ATP2B3: variants seen among roughly 807,000 people sequenced by gnomAD.
The protein encoded by ATP2B3 is plasma membrane calcium-transporting ATPase 3.
A neutral mutation model predicts 70.8 loss-of-function variants in ATP2B3; 12 were observed. That is an observed-to-expected ratio of 0.17 (90% CI 0.11 to 0.27). The LOEUF is 0.27. ATP2B3 is among the 10% of genes least tolerant of loss of function. The probability of loss-of-function intolerance (pLI) is 1.00; values close to 1 mark genes in which losing one functional copy is unlikely to be tolerated. For synonymous variants in ATP2B3, 460 were observed against 497.8 expected (o/e 0.92, Z 1.01); for missense variants, 858 against 1,118.5 (o/e 0.77, Z 3.32).
intron 21 of ATP2B3, 116 bp downstream of exon 21, chrX:153,565,219 G>A (rs1366386775): frequency 4.6e-5 from 43 of 938,059 alleles, no homozygotes; most frequent in Non-Finnish European, 5.7e-5. Context: ...GAAACCCTTT[G>A]GTCTTGCTGC....
chrX:153,534,188 C>T (rs1557002946), intron 2 of ATP2B3, among the ~76,000 whole-genome samples: 1 of 110,521 alleles, frequency 9.0e-6, no homozygotes, highest in Non-Finnish European at 1.9e-5. Flanking sequence ...AGCAAAGGTC[C>T]TGGGGTGGGG....
At chrX:153,572,223 C>A (rs2090799234) in intron 21 of ATP2B3, among the ~76,000 whole-genome samples, 1 of 112,691 alleles carries the variant, frequency 8.9e-6, no homozygotes, top group Admixed American at 9.3e-5. Context: ...GACGGAGCTC[C>A]CCTAGACAAG....
chrX:153,520,409 C>A (rs1032981947), intron 2 of ATP2B3, among the ~76,000 whole-genome samples: 1 of 112,528 alleles, frequency 8.9e-6, no homozygotes, highest in Non-Finnish European at 1.9e-5. Context: ...CCTCACAGAG[C>A]AAGTCATCAG....
intron 7 of ATP2B3, among the ~76,000 whole-genome samples, chrX:153,544,921 G>T (rs1557008136): frequency 1.8e-5 from 2 of 112,642 alleles, no homozygotes; most frequent in Non-Finnish European, 3.8e-5. Context: ...GCTTCCTTCG[G>T]GCCCCCACGG....
At chrX:153,557,067 C>T (rs2124480170) in intron 16 of ATP2B3, 44 bp downstream of exon 16, 25 of 1,079,919 alleles carry the variant, frequency 2.3e-5, no homozygotes, top group Non-Finnish European at 3.1e-5. Context: ...GCAGATGGGG[C>T]CTGCATCTGT....
At chrX:153,552,559 A>G (rs1032740725) in intron 12 of ATP2B3, among the ~76,000 whole-genome samples, 1 of 111,998 alleles carries the variant, frequency 8.9e-6, no homozygotes, top group Admixed American at 9.4e-5. Context: ...TTGTCCACAG[A>G]CTTCAGTTTT....
chrX:153,579,410 G>C (rs1186970748), intron 21 of ATP2B3, among the ~76,000 whole-genome samples: 2 of 112,920 alleles, frequency 1.8e-5, no homozygotes, highest in East Asian at 5.6e-4. Context: ...ATGCGAGAAA[G>C]GCCGGCAGTG....
intron 2 of ATP2B3, among the ~76,000 whole-genome samples, chrX:153,522,895 G>GT (rs11307465): frequency 2.9e-5 from 3 of 102,406 alleles, no homozygotes; most frequent in African/African-American, 1.1e-4. Flanking sequence ...GGAGACGTGG[G>GT]TTTTTTTTTT....
intron 2 of ATP2B3, among the ~76,000 whole-genome samples, chrX:153,521,008 C>G (rs1311770288): frequency 8.9e-6 from 1 of 112,931 alleles, no homozygotes; most frequent in African/African-American, 3.2e-5. Flanking sequence ...CATTCATGGC[C>G]CCTTCAGGGC....
At chrX:153,539,778 G>T (rs2090252530) in intron 3 of ATP2B3, among the ~76,000 whole-genome samples, 1 of 113,227 alleles carries the variant, frequency 8.8e-6, no homozygotes, top group Non-Finnish European at 1.9e-5. Flanking sequence ...CAAGGGTGGG[G>T]CCAGAGGAGG....
intron 2 of ATP2B3, among the ~76,000 whole-genome samples, chrX:153,521,979 AG>A (rs1463265766): frequency 8.9e-6 from 1 of 112,317 alleles, no homozygotes; most frequent in Non-Finnish European, 1.9e-5. Context: ...CCACTAATGC[AG>A]CAGCTTGGGC....
At chrX:153,548,020 T>C in intron 9 of ATP2B3, 21 bp downstream of exon 9, 1 of 1,189,452 alleles carries the variant, frequency 8.4e-7, no homozygotes, top group Non-Finnish European at 1.1e-6. Context: ...CAGGAGGTGG[T>C]GGGCCCAGGC....
intron 3 of ATP2B3, 27 bp from the exon 4 acceptor site, chrX:153,541,332 C>G (rs1603049767): frequency 2.5e-6 from 3 of 1,211,195 alleles, no homozygotes; most frequent in East Asian, 5.9e-5. Context: ...CCATCCTCCC[C>G]TTCTGTGCTT....
rs895551265 is a variant in ATP2B3 at position 153,569,545 on chromosome X, T to A, written c.3342+4442T>A. On this transcript the variant is annotated intron_variant, in intron 21 of 21. Transcript: ENST00000263519. The stretch of plus-strand genomic sequence containing the variant: ...CCCCTATCCTCGCCCAGCCCTCCCC[T>A]CCGTGATAGCCTGGACAACAGTGCA... 2.6e-5 allele frequency: 31 copies of A among 1,174,880 alleles called. No homozygotes were observed. The South Asian group carries it at 3.1e-4, about 12-fold the overall frequency.
intron 11 of ATP2B3, 47 bp downstream of exon 11, chrX:153,549,786 G>A (rs372639631): frequency 2.8e-4 from 332 of 1,178,483 alleles, no homozygotes; most frequent in Non-Finnish European, 3.5e-4. Flanking sequence ...GCAGGAGCAG[G>A]GGAGGGTCCT....
intron 2 of ATP2B3, among the ~76,000 whole-genome samples, chrX:153,521,577 C>T (rs924352586): frequency 1.8e-5 from 2 of 111,927 alleles, no homozygotes; most frequent in East Asian, 2.8e-4. Flanking sequence ...TTGTACAAAG[C>T]GAGTATGTCC....
intron 3 of ATP2B3, among the ~76,000 whole-genome samples, chrX:153,540,146 C>T (rs2090258300): frequency 8.9e-6 from 1 of 112,584 alleles, no homozygotes; most frequent in East Asian, 2.8e-4. Context: ...TCTGTCCTGA[C>T]CTGGGCCACA....
intron 21 of ATP2B3, chrX:153,574,608 G>A (rs1246017383): frequency 2.0e-5 from 5 of 247,879 alleles, no homozygotes; most frequent in Middle Eastern, 5.2e-4. Context: ...CTGTCGTTTC[G>A]TTGTCACTGC....
chrX:153,518,207 G>A (rs1556996752), intron 1 of ATP2B3, among the ~76,000 whole-genome samples: 1 of 112,837 alleles, frequency 8.9e-6, no homozygotes, highest in African/African-American at 3.2e-5. Flanking sequence ...GCAGCCGGGG[G>A]CGCGGGATCT....
Sources: gnomAD v4.1 joint callset for allele counts (sites outside exome capture counted in the v4.1 genomes callset) on GRCh38, gnomAD v4.1.1 for gene constraint, MANE v1.5 for transcripts, NCBI Gene and HGNC (gene_info 2026-07-23, HGNC 2026-07-21) for gene names.